Variants in DOP1B observed in about 807,000 individuals in gnomAD.
DOP1B encodes the protein protein DOP1B.
In DOP1B, 174 loss-of-function variants were observed where a neutral mutation model predicts 233.5. That is an observed-to-expected ratio of 0.75 (90% CI 0.66 to 0.85). The LOEUF (loss-of-function observed/expected upper bound fraction) is 0.85, where lower values mean the gene tolerates loss of function less well. Ranked by LOEUF, DOP1B falls within the 40% of genes least tolerant of loss-of-function variation. The pLI is 0.00. For synonymous variants in DOP1B, 1,190 were observed against 1,185.6 expected (o/e 1.00, Z -0.08); for missense variants, 2,652 against 2,846.6 (o/e 0.93, Z 1.56).
chr21:36,186,580 G>A (rs954685149), intron 2 of DOP1B, among the ~76,000 whole-genome samples: 1 of 152,036 alleles, frequency 6.6e-6, no homozygotes, highest in Non-Finnish European at 1.5e-5. Flanking sequence ...TATCCTGCAC[G>A]ACCAGCTTAT....
Position 36,230,553 on chromosome 21 carries a change from G to C in DOP1B, c.1769G>C (p.Gly590Ala). 6.2e-7 allele frequency: 1 copy of C among 1,614,216 alleles called. No individual in the cohort carries two copies. Among genetic ancestry groups the C allele is most frequent in the Non-Finnish European group, 8.5e-7 (1 of 1,180,050 alleles). ...CCCCCTCTGAAGTCTGAGGACAGTGGGATCGGGCTCAGTGCCTCGTCACCG... is the reference window on the plus strand; with the variant it reads ...CCCCCTCTGAAGTCTGAGGACAGTGCGATCGGGCTCAGTGCCTCGTCACCG... ...SFPPLKSEDS[G>A]IGLSASSPEL... The change falls in exon 14 of 37, where the codon GGG becomes GCG. Residue 590 changes from glycine to alanine, a missense_variant. This residue lies in a region of DOP1B where 2,617 missense variants were observed against 2,794.3 expected (regional missense o/e 0.94). Coordinates refer to ENST00000691173, the MANE Select transcript of DOP1B (RefSeq NM_001320714.2).
At chr21:36,233,530 C>T (rs899871019) in intron 15 of DOP1B, among the ~76,000 whole-genome samples, 3 of 152,138 alleles carry the variant, frequency 2.0e-5, no homozygotes, top group Admixed American at 6.6e-5. Context: ...TGGATAGTGA[C>T]GTTTCCATGG....
chr21:36,263,067 G>A (rs1049344773), intron 24 of DOP1B, among the ~76,000 whole-genome samples: 3 of 151,628 alleles, frequency 2.0e-5, no homozygotes, highest in African/African-American at 4.8e-5. Flanking sequence ...AAACCCCGTC[G>A]CTACTAAAAA....
At chr21:36,227,354 T>C (rs540269225) in intron 12 of DOP1B, among the ~76,000 whole-genome samples, 11 of 151,868 alleles carry the variant, frequency 7.2e-5, no homozygotes, top group East Asian at 5.8e-4. Flanking sequence ...GAGACCATCC[T>C]GGCTAACACG....
intron 2 of DOP1B, among the ~76,000 whole-genome samples, chr21:36,191,543 T>C (rs1355443265): frequency 6.6e-6 from 1 of 152,192 alleles, no homozygotes; most frequent in Non-Finnish European, 1.5e-5. Context: ...CCCAACACTT[T>C]GGGAGGCCAA....
chr21:36,170,024 T>C, intron 2 of DOP1B: 1 of 739,736 alleles, frequency 1.4e-6, no homozygotes, highest in Non-Finnish European at 2.5e-6. Flanking sequence ...ATGTGGGTCA[T>C]GCCAGCCTTG....
intron 32 of DOP1B, among the ~76,000 whole-genome samples, chr21:36,282,026 G>T (rs546935916): frequency 6.6e-6 from 1 of 152,318 alleles, no homozygotes; most frequent in South Asian, 2.1e-4. Flanking sequence ...TACTAGAGGG[G>T]TCTACTGCGT....
intron 14 of DOP1B, among the ~76,000 whole-genome samples, chr21:36,231,877 T>A (rs924743182): frequency 1.4e-5 from 2 of 146,640 alleles, no homozygotes; most frequent in African/African-American, 2.5e-5. Flanking sequence ...GACAGCGTCT[T>A]GCTCTGTCGC....
intron 11 of DOP1B, among the ~76,000 whole-genome samples, chr21:36,225,231 A>ATT (rs759213725): frequency 6.9e-6 from 1 of 145,246 alleles, no homozygotes; most frequent in Non-Finnish European, 1.5e-5. Flanking sequence ...AGAAGAATTG[A>ATT]TTTTTTTTTT....
Position 36,245,940 on chromosome 21 carries a change from G to C in DOP1B, c.3960G>C (p.Leu1320=). The part of the protein sequence containing the change: ...LLLELLTYLC[L]SFLRSYYPCY... The stretch of plus-strand genomic sequence containing the variant: ...TGGAGCTGCTCACCTACCTCTGCCT[G>C]AGCTTCCTGCGCTCCTACTACCCTT... The change falls in exon 19 of 37, where the codon CTG becomes CTC. Residue 1320 remains leucine, a synonymous_variant. Coordinates refer to ENST00000691173, the MANE Select transcript of DOP1B (RefSeq NM_001320714.2). This position sits in a 1 kb window ranked among gnomAD's most constrained non-coding sequence, Gnocchi z 5.5. 1 of 1,613,962 alleles carries C rather than the reference G, an allele frequency of 6.2e-7. No homozygotes were observed. Among genetic ancestry groups the C allele is most frequent in the South Asian group, 1.1e-5 (1 of 91,072 alleles).
At chr21:36,257,237 T>G (rs780832093) in intron 23 of DOP1B, among the ~76,000 whole-genome samples, 1 of 152,212 alleles carries the variant, frequency 6.6e-6, no homozygotes, top group African/African-American at 2.4e-5. Context: ...TCATGTGCTC[T>G]GCTCTCTGGA....
intron 7 of DOP1B, among the ~76,000 whole-genome samples, chr21:36,213,228 T>A (rs1466199811): frequency 2.0e-5 from 3 of 152,176 alleles, no homozygotes. Context: ...TTTAAGGATT[T>A]GTATGTAAAG....
intron 36 of DOP1B, among the ~76,000 whole-genome samples, chr21:36,292,611 G>GTT (rs35069387): frequency 2.3e-4 from 29 of 124,720 alleles, no homozygotes; most frequent in East Asian, 9.5e-4. Context: ...TTGTTTTTGG[G>GTT]TTTTTTTTTT....
intron 2 of DOP1B, among the ~76,000 whole-genome samples, chr21:36,187,172 G>T (rs1036844530): frequency 6.6e-6 from 1 of 151,158 alleles, no homozygotes; most frequent in Admixed American, 6.6e-5. Flanking sequence ...CCTGGCCTGG[G>T]TTAGCTGGCT....
chr21:36,214,405 T>C, intron 8 of DOP1B, 37 bp from the exon 9 acceptor site: 6 of 1,575,688 alleles, frequency 3.8e-6, no homozygotes, highest in Admixed American at 1.8e-5. Flanking sequence ...CTTTATGATA[T>C]ACGATATTCT....
intron 4 of DOP1B, among the ~76,000 whole-genome samples, chr21:36,205,156 C>T (rs1477051930): frequency 1.3e-5 from 2 of 152,164 alleles, no homozygotes; most frequent in African/African-American, 4.8e-5. Context: ...CCATGGTTGT[C>T]CTTTTGGCAA....
chr21:36,211,866 C>T (rs2066501921), intron 6 of DOP1B, 108 bp from the exon 7 acceptor site: 2 of 1,523,104 alleles, frequency 1.3e-6, no homozygotes, highest in South Asian at 1.1e-5. Context: ...AGGAACCAGC[C>T]CATTTTGAGA....
chr21:36,250,940 C>T (rs970184264), intron 21 of DOP1B, among the ~76,000 whole-genome samples: 1 of 152,178 alleles, frequency 6.6e-6, no homozygotes, highest in Admixed American at 6.5e-5. Context: ...CCCTTCCCCC[C>T]GCCGGCATGA....
chr21:36,180,264 C>G (rs1439074342), intron 2 of DOP1B, among the ~76,000 whole-genome samples: 2 of 152,170 alleles, frequency 1.3e-5, no homozygotes, highest in Non-Finnish European at 2.9e-5. Context: ...TAGTTTCCAT[C>G]ATTCATTAAA....
Sources: allele counts gnomAD v4.1 joint callset (sites outside exome capture counted in the v4.1 genomes callset), GRCh38; gene constraint gnomAD v4.1.1; regional missense constraint gnomAD v4.1.1; non-coding constraint Gnocchi (gnomAD v3.1); transcripts MANE v1.5; gene names NCBI Gene and HGNC (gene_info 2026-07-23, HGNC 2026-07-21).